The following PCDHGA5 variants were observed in gnomAD, a reference collection of about 807,000 sequenced individuals.
PCDHGA5 encodes the protein protocadherin gamma subfamily A, 5.
PCDHGA5 carries 36 observed loss-of-function variants against 56.7 expected under a neutral mutation model. The ratio of observed to expected loss-of-function variants is 0.64; its 90% CI spans 0.49 to 0.84. The LOEUF (loss-of-function observed/expected upper bound fraction) is 0.84. Among genes scored for constraint, PCDHGA5 ranks in the 40% least tolerant of loss-of-function variants. The pLI is 0.00. For synonymous variants in PCDHGA5, 563 were observed against 520.2 expected, an observed-to-expected ratio of 1.08 and a Z score of -1.12; for missense variants, 1,305 against 1,201.5, an observed-to-expected ratio of 1.09 and a Z score of -1.27.
In PCDHGA5 at chr5:141,393,482, T is replaced by C. The variant is rs116240246; in HGVS notation, c.2421+26731T>C. The C allele has an allele frequency of 5.3e-4, 852 of 1,614,070 alleles. 7 individuals carry two copies. In the African/African-American group the frequency reaches 0.01, roughly 19 times the overall value. ...CGGATGGCGGCAAGCCGCCTCGCTC[T>C]AGCACAGTGCGCATCCACGTGACAG... is the stretch of plus-strand genomic sequence containing the variant. On this transcript the variant is annotated intron_variant, in intron 1 of 3. Coordinates refer to ENST00000518069, the MANE Select transcript of PCDHGA5 (RefSeq NM_018918.3).
Position 141,431,547 on chromosome 5 carries a change from T to C in PCDHGA5, c.2422-63260T>C. On this transcript the variant is annotated intron_variant, in intron 1 of 3. Transcript: ENST00000518069. The surrounding 1 kb of genome is among the most constrained non-coding windows in gnomAD (Gnocchi z 4.8). ...CTGGCCTTGGGCACGCAGCTGCTTG[T>C]AGTCAACGCTACCGACCCTGACGAA... The C allele has an allele frequency of 1.2e-6, 2 of 1,614,096 alleles. No homozygotes were observed. The highest frequency in any genetic ancestry group is 2.2e-5 in the East Asian group (1 of 44,882).
intron 1 of PCDHGA5, chr5:141,378,235 G>C (rs1774737741): frequency 6.6e-6 from 1 of 152,228 alleles, no homozygotes; most frequent in Non-Finnish European, 1.5e-5. Context: ...GTATTTAAGA[G>C]TGAAAATGGC....
chr5:141,486,909 C>T lies in PCDHGA5; in HGVS notation c.2422-7898C>T, dbSNP rs759702188. ...CGGCCTGGTTCCTTATGTCCCCAAGCACTGCCTCCATCAGTTGGTGCTGGC... is the reference window on the plus strand; with the variant it reads ...CGGCCTGGTTCCTTATGTCCCCAAGTACTGCCTCCATCAGTTGGTGCTGGC... On this transcript the variant is annotated intron_variant, in intron 1 of 3. Transcript: ENST00000518069. This position sits in a 1 kb window ranked among gnomAD's most constrained non-coding sequence, Gnocchi z 5.0. 2 of 1,614,262 alleles carry T rather than the reference C, an allele frequency of 1.2e-6. No homozygotes were observed. Among genetic ancestry groups the T allele is most frequent in the Non-Finnish European group, 1.7e-6 (2 of 1,180,054 alleles).
At chr5:141,403,758 T>C (rs1022850868) in intron 1 of PCDHGA5, 18 of 1,613,804 alleles carry the variant, frequency 1.1e-5, no homozygotes, top group Non-Finnish European at 1.4e-5. Flanking sequence ...GCCAGCGACC[T>C]GGATGAGGGA....
At chr5:141,367,696 AG>A (rs574151601) in intron 1 of PCDHGA5, 1 of 152,176 alleles carries the variant, frequency 6.6e-6, no homozygotes, top group Non-Finnish European at 1.5e-5. Flanking sequence ...ATCAGTGTAA[AG>A]GAACCTTAAG....
chr5:141,369,052 A>G (rs1386795265), intron 1 of PCDHGA5, among the ~76,000 whole-genome samples: 2 of 152,180 alleles, frequency 1.3e-5, no homozygotes. Flanking sequence ...ACAATACATT[A>G]TGTAGGCTAA....
chr5:141,388,356 C>A (rs756910714), intron 1 of PCDHGA5: 2 of 1,613,944 alleles, frequency 1.2e-6, no homozygotes, highest in Non-Finnish European at 1.7e-6. Flanking sequence ...AGGATCTGCC[C>A]ATGATGCGGA....
Position 141,364,366 on chromosome 5 carries a change from G to T in PCDHGA5, c.36G>T (p.Glu12Asp), listed in dbSNP as rs755664508. ...ASPPRGWGCGELLLPFMLLGT... is the reference protein window; with the variant it reads ...ASPPRGWGCGDLLLPFMLLGT... The stretch of plus-strand genomic sequence containing the variant: ...CACCTAGGGGCTGGGGCTGCGGAGA[G>T]CTGCTGCTGCCCTTCATGCTCCTGG... The change falls in exon 1 of 4, where the codon GAG (glutamate) becomes GAT (aspartate). Residue 12 changes from glutamate (E) to aspartate (D), a missense_variant. By Grantham distance (45) the Glu-to-Asp change is conservative. Transcript: ENST00000518069. The T allele has an allele frequency of 6.4e-7, 1 of 1,563,758 alleles. No individual in the cohort carries two copies. Among genetic ancestry groups the T allele is most frequent in the Non-Finnish European group, 8.6e-7 (1 of 1,157,062 alleles).
At chr5:141,450,293 G>A (rs879439714) in intron 1 of PCDHGA5, among the ~76,000 whole-genome samples, 6 of 151,746 alleles carry the variant, frequency 4.0e-5, no homozygotes, top group Non-Finnish European at 7.4e-5. Flanking sequence ...GATTACAGGC[G>A]TGAGCCACCA....
At chr5:141,405,277 T>C (rs770051288) in intron 1 of PCDHGA5, 5 of 1,614,196 alleles carry the variant, frequency 3.1e-6, no homozygotes, top group Non-Finnish European at 4.2e-6. Context: ...AGCCCAACTA[T>C]GCAGACACAC....
intron 1 of PCDHGA5, among the ~76,000 whole-genome samples, chr5:141,452,401 G>C (rs2098740635): frequency 6.6e-6 from 1 of 152,134 alleles, no homozygotes. Flanking sequence ...CTAAGATCTG[G>C]GTGTGAGGTA....
At chr5:141,414,231 C>T (rs2095722548) in intron 1 of PCDHGA5, 1 of 1,613,304 alleles carries the variant, frequency 6.2e-7, no homozygotes, top group South Asian at 1.1e-5. Flanking sequence ...CAGAGCTGAC[C>T]ATCACGTCTC....
rs1436850571 is a variant in PCDHGA5, at chr5:141,365,047, G to A, written c.717G>A (p.Ala239=). The change falls in exon 1 of 4, where the codon GCG becomes GCA. Residue 239 remains alanine (A), a synonymous_variant. Transcript: ENST00000518069. ...RVTVLDANDN[A]PLFTPSEYSV... ...CGGTCCTCGACGCAAACGACAATGCGCCCCTGTTCACCCCATCCGAGTACA... is the reference window on the plus strand; with the variant it reads ...CGGTCCTCGACGCAAACGACAATGCACCCCTGTTCACCCCATCCGAGTACA... The A allele has an allele frequency of 2.5e-6, 4 of 1,613,804 alleles. No individual in the cohort carries two copies. Among genetic ancestry groups the A allele is most frequent in the Non-Finnish European group, 3.4e-6 (4 of 1,179,898 alleles).
Position 141,491,964 on chromosome 5 carries a change from C to A in PCDHGA5, c.2422-2843C>A. On this transcript the variant is annotated intron_variant, in intron 1 of 3. Transcript: ENST00000518069. The surrounding 1 kb of genome is among the most constrained non-coding windows in gnomAD (Gnocchi z 6.9). ...CCCCACCCCTACACTCAAAAAAGGC[C>A]GGGGCCTCCTTCGAGCTTCCGGTGA... The A allele has an allele frequency of 1.1e-6, 1 of 943,952 alleles. No homozygotes were observed. The highest frequency in any genetic ancestry group is 1.5e-6 in the Non-Finnish European group (1 of 671,094). 58.5% of individuals were successfully genotyped at this position (943,952 alleles called of 1,614,324 possible). A position where few individuals can be genotyped will look rare whatever the true frequency, so the allele number is the denominator to read the frequency against.
chr5:141,393,170 A>G (rs746908655), intron 1 of PCDHGA5: 1 of 1,613,286 alleles, frequency 6.2e-7, no homozygotes, highest in South Asian at 1.1e-5. Context: ...TCTTTGGGGT[A>G]GAAATAGAAA....
chr5:141,408,660 C>A, intron 1 of PCDHGA5: 3 of 1,613,980 alleles, frequency 1.9e-6, no homozygotes, highest in Non-Finnish European at 1.7e-6. Flanking sequence ...ACACGACTAT[C>A]GCTTGACCCT....
At chr5:141,441,864 G>A in intron 1 of PCDHGA5, 3 of 344,518 alleles carry the variant, frequency 8.7e-6, no homozygotes, top group Admixed American at 4.1e-5. Context: ...TGCACGCCGC[G>A]GAGCCTGGCT....
In PCDHGA5 at chr5:141,365,342, C is replaced by T. The variant is rs1206317970; in HGVS notation, c.1012C>T (p.Gln338Ter). Residue 338 changes from glutamine (Q) to a stop codon, truncating the protein, a stop_gained, in exon 1 of 4, where the codon CAG becomes TAG. Transcript: ENST00000518069. LOFTEE classifies it high-confidence loss of function. ...CAGCGCTAAGGTGGTGGTCACAGTA[C>T]AGGACGTGAATGACAATGCCCCCGA... ...VASAKVVVTVQDVNDNAPEVI... is the reference protein window; with the variant it reads ...VASAKVVVTV 2.5e-6 allele frequency: 4 copies of T among 1,613,932 alleles called. No individual in the cohort carries two copies.
At chr5:141,494,326 G>C (rs2154591458) in intron 1 of PCDHGA5, among the ~76,000 whole-genome samples, 1 of 152,312 alleles carries the variant, frequency 6.6e-6, no homozygotes, top group Middle Eastern at 3.4e-3. Context: ...GGCACCAAAA[G>C]GGTTACCAAG....
Sources: gnomAD v4.1 joint callset for allele counts (sites outside exome capture counted in the v4.1 genomes callset) on GRCh38, gnomAD v4.1.1 for gene constraint, Gnocchi (gnomAD v3.1) non-coding constraint, MANE v1.5 for transcripts, NCBI Gene and HGNC (gene_info 2026-07-23, HGNC 2026-07-21) for gene names.